The following DSCAML1 variants were observed in gnomAD, a reference collection of about 807,000 sequenced individuals.
The protein encoded by DSCAML1 is cell adhesion molecule DSCAML1.
In DSCAML1, 38 loss-of-function variants were observed where a neutral mutation model predicts 200.5. That is an observed-to-expected ratio of 0.19 (90% CI 0.15 to 0.25). DSCAML1 has a LOEUF of 0.25. Ranked by LOEUF, DSCAML1 falls within the 10% of genes least tolerant of loss-of-function variation. The pLI is 1.00. For synonymous variants in DSCAML1, 1,215 were observed against 1,165.0 expected (o/e 1.04, Z -0.87); for missense variants, 2,223 against 2,858.8 (o/e 0.78, Z 5.07).
chr11:117,465,300 C>T, intron 16 of DSCAML1, 118 bp from the exon 17 acceptor site: 9 of 1,407,438 alleles, frequency 6.4e-6, no homozygotes, highest in Non-Finnish European at 7.7e-6. Context: ...GCTCCCATCT[C>T]ACTCAGAATG....
intron 14 of DSCAML1, among the ~76,000 whole-genome samples, chr11:117,478,975 G>A (rs1411986331): frequency 1.3e-5 from 2 of 152,368 alleles, no homozygotes; most frequent in South Asian, 2.1e-4. Flanking sequence ...GTTTGTCTCT[G>A]TAGACATGTG....
intron 1 of DSCAML1, among the ~76,000 whole-genome samples, chr11:117,812,139 T>C (rs1352131376): frequency 6.6e-6 from 1 of 152,154 alleles, no homozygotes; most frequent in East Asian, 1.9e-4. Context: ...CTTTGCGTCC[T>C]CCTCTTGTAT....
intron 3 of DSCAML1, among the ~76,000 whole-genome samples, chr11:117,732,805 A>G (rs1288976158): frequency 1.3e-5 from 2 of 151,738 alleles, no homozygotes; most frequent in African/African-American, 4.8e-5. Flanking sequence ...TATTATCATT[A>G]TTATTATTAT....
chr11:117,765,364 G>A (rs138937319), intron 3 of DSCAML1, among the ~76,000 whole-genome samples: 2 of 152,214 alleles, frequency 1.3e-5, no homozygotes, highest in Non-Finnish European at 2.9e-5. Flanking sequence ...TTGGCCTTAG[G>A]GGGTAACATT....
chr11:117,738,835 T>C (rs1012525068), intron 3 of DSCAML1, among the ~76,000 whole-genome samples: 1 of 152,236 alleles, frequency 6.6e-6, no homozygotes, highest in African/African-American at 2.4e-5. Context: ...GACAGTCTAC[T>C]GGATGCAACT....
At chr11:117,793,482 G>T (rs1262568543) in intron 1 of DSCAML1, among the ~76,000 whole-genome samples, 1 of 152,172 alleles carries the variant, frequency 6.6e-6, no homozygotes, top group African/African-American at 2.4e-5. Flanking sequence ...CAAGCAAGTG[G>T]CAAGTGGCAA....
intron 11 of DSCAML1, among the ~76,000 whole-genome samples, chr11:117,497,045 C>T (rs2049302267): frequency 6.6e-6 from 1 of 152,162 alleles, no homozygotes; most frequent in African/African-American, 2.4e-5. Context: ...CCCTGAAGCA[C>T]AAAAGCCTAC....
chr11:117,575,873 A>AAAACAAAACAAAAC (rs1385893671), intron 3 of DSCAML1, among the ~76,000 whole-genome samples: 1,495 of 141,088 alleles, frequency 0.011, 20 homozygotes, highest in African/African-American at 0.036. Flanking sequence ...AAAACAAAAC[A>AAAACAAAACAAAAC]AAACAAAACA....
intron 3 of DSCAML1, among the ~76,000 whole-genome samples, chr11:117,564,954 CG>C (rs1212986379): frequency 6.6e-6 from 1 of 151,952 alleles, no homozygotes; most frequent in Non-Finnish European, 1.5e-5. Context: ...TTAGTAGAGA[CG>C]GGGTTTCACC....
At chr11:117,703,959 A>G (rs2053710303) in intron 3 of DSCAML1, among the ~76,000 whole-genome samples, 1 of 152,228 alleles carries the variant, frequency 6.6e-6, no homozygotes, top group South Asian at 2.1e-4. Context: ...CACAAGTAAC[A>G]TTATCCCCAT....
chr11:117,805,652 A>T (rs1057476858), intron 1 of DSCAML1, among the ~76,000 whole-genome samples: 8 of 152,272 alleles, frequency 5.3e-5, no homozygotes, highest in Admixed American at 2.0e-4. Context: ...TCCTGGTTAA[A>T]AACTCTGTTC....
rs540394714 is a variant in DSCAML1 at position 117,788,328 on chromosome 11, G to T, written c.47-7518C>A. Among the ~76,000 whole-genome samples the T allele has an allele frequency of 2.6e-3, 390 of 152,126 alleles. 2 individuals are homozygous for T. Among genetic ancestry groups the T allele is most frequent in the African/African-American group, 9.0e-3 (372 of 41,514 alleles). On this transcript the variant is annotated intron_variant, in intron 1 of 32. Coordinates refer to ENST00000651296, the MANE Select transcript of DSCAML1 (RefSeq NM_020693.4). The stretch of plus-strand genomic sequence containing the variant: ...TTGTTGTTTTGTTTTTGTTTTTGTT[G>T]TTGTTGTTGTTGTTTTGAGACGGAG...
rs770855084 is a variant in DSCAML1, at chr11:117,436,993, A to G, written c.4720+129T>C. 8.7e-5 allele frequency: 115 copies of G among 1,316,412 alleles called. 1 individual carries two copies. Among genetic ancestry groups the G allele is most frequent in the Non-Finnish European group, 1.2e-4 (113 of 979,740 alleles). 81.5% of individuals were successfully genotyped at this position (1,316,412 alleles called of 1,614,324 possible). ...TCAGCCCCTTCACCTGCAGGCCAGCATTTCCCCCACCTGCATTCCTGCCTG... is the reference window on the plus strand; with the variant it reads ...TCAGCCCCTTCACCTGCAGGCCAGCGTTTCCCCCACCTGCATTCCTGCCTG... On this transcript the variant is annotated intron_variant, in intron 26 of 32. Coordinates refer to ENST00000651296, the MANE Select transcript of DSCAML1 (RefSeq NM_020693.4).
chr11:117,517,150 C>G (rs2049787016), intron 7 of DSCAML1, among the ~76,000 whole-genome samples: 1 of 152,028 alleles, frequency 6.6e-6, no homozygotes, highest in African/African-American at 2.4e-5. Flanking sequence ...TTTGTTGTTT[C>G]CATTCTACTT....
At chr11:117,429,721 C>T (rs2047745192) in intron 32 of DSCAML1, among the ~76,000 whole-genome samples, 1 of 152,208 alleles carries the variant, frequency 6.6e-6, no homozygotes, top group African/African-American at 2.4e-5. Context: ...CTTCTAAGAC[C>T]TCCACCGCCT....
intron 5 of DSCAML1, 21 bp downstream of exon 5, chr11:117,524,784 G>C (rs1014081229): frequency 4.4e-5 from 69 of 1,560,100 alleles, no homozygotes; most frequent in Non-Finnish European, 5.4e-5. Flanking sequence ...TGGGGCTGCA[G>C]AAGGGGCTTC....
At position 117,503,277 on chromosome 11, in the gene DSCAML1, CACA is replaced by C. The variant is rs1217540919; in HGVS notation, c.2359+565_2359+567del. On this transcript the variant is annotated intron_variant, in intron 11 of 32. Coordinates refer to ENST00000651296, the MANE Select transcript of DSCAML1 (RefSeq NM_020693.4). This position sits in a 1 kb window ranked among gnomAD's most constrained non-coding sequence, Gnocchi z 5.2. ...TTCCAAGATCAGTTCCTGCAGGACT[CACA>C]ACAATTTTGTGAGATCAGTGGGCTG... 6.6e-6 allele frequency among the ~76,000 whole-genome samples: 1 copy of C among 152,086 alleles called. No homozygotes were observed. Among genetic ancestry groups the C allele is most frequent in the African/African-American group, 2.4e-5 (1 of 41,402 alleles).
intron 3 of DSCAML1, among the ~76,000 whole-genome samples, chr11:117,763,961 C>T (rs1356183528): frequency 1.3e-5 from 2 of 151,616 alleles, no homozygotes; most frequent in East Asian, 1.9e-4. Context: ...AGATGGGTGT[C>T]CCCCACCTCT....
At chr11:117,494,162 C>T (rs1802550535) in intron 11 of DSCAML1, among the ~76,000 whole-genome samples, 1 of 152,108 alleles carries the variant, frequency 6.6e-6, no homozygotes, top group South Asian at 2.1e-4. Flanking sequence ...AAGGAGATGC[C>T]ATCTTCCTTT....
Sources: gnomAD v4.1 joint callset for allele counts (sites outside exome capture counted in the v4.1 genomes callset) on GRCh38, gnomAD v4.1.1 for gene constraint, Gnocchi (gnomAD v3.1) non-coding constraint, MANE v1.5 for transcripts, NCBI Gene and HGNC (gene_info 2026-07-23, HGNC 2026-07-21) for gene names.